Variants in LUZP2 observed in about 807,000 individuals in gnomAD.
LUZP2 encodes leucine zipper protein 2.
Under a neutral mutation model 51.6 loss-of-function variants are expected in LUZP2, and 52 were observed. The observed-to-expected ratio is 1.01, with a 90% CI of 0.81 to 1.27. The LOEUF is 1.27. Ranked by LOEUF, LUZP2 falls within the 50% of genes most tolerant of loss-of-function variation. The probability of loss-of-function intolerance (pLI) is 0.00; values close to 1 mark genes in which losing one functional copy is unlikely to be tolerated. For missense variants in LUZP2, 436 were observed against 395.4 expected (o/e 1.10, Z -0.87); for synonymous variants, 154 against 137.3 (o/e 1.12, Z -0.85).
chr11:25,075,656 T>A (rs867149752), intron 10 of LUZP2, among the ~76,000 whole-genome samples: 1 of 152,042 alleles, frequency 6.6e-6, no homozygotes, highest in Admixed American at 6.6e-5. Context: ...GTCTGTCTAG[T>A]AGTAGAAAAG....
chr11:24,832,783 C>G (rs938503362), intron 5 of LUZP2, among the ~76,000 whole-genome samples: 2 of 151,822 alleles, frequency 1.3e-5, no homozygotes, highest in Non-Finnish European at 2.9e-5. Context: ...AATGTCAGAG[C>G]TGAATGAAGA....
chr11:25,051,321 A>T (rs1244670760), intron 10 of LUZP2, among the ~76,000 whole-genome samples: 1 of 152,054 alleles, frequency 6.6e-6, no homozygotes, highest in Non-Finnish European at 1.5e-5. Flanking sequence ...CGTCTCAAAA[A>T]AAATAAAAAA....
chr11:24,963,235 C>T (rs558304107), intron 7 of LUZP2, among the ~76,000 whole-genome samples: 2 of 152,318 alleles, frequency 1.3e-5, no homozygotes, highest in Admixed American at 6.5e-5. Flanking sequence ...CTTGAGGAGG[C>T]AGTCTGCCGG....
chr11:24,765,495 T>C (rs1860149258), intron 5 of LUZP2, among the ~76,000 whole-genome samples: 1 of 152,194 alleles, frequency 6.6e-6, no homozygotes, highest in Non-Finnish European at 1.5e-5. Flanking sequence ...AAATGCTTTT[T>C]CTGCATCTAT....
intron 5 of LUZP2, among the ~76,000 whole-genome samples, chr11:24,792,574 A>G (rs1180604088): frequency 2.6e-5 from 4 of 152,128 alleles, no homozygotes; most frequent in Admixed American, 6.6e-5. Flanking sequence ...GCACTGTTAT[A>G]ATCTCTGACC....
intron 1 of LUZP2, among the ~76,000 whole-genome samples, chr11:24,715,226 C>G (rs2133939368): frequency 6.7e-6 from 1 of 149,252 alleles, no homozygotes; most frequent in Middle Eastern, 3.5e-3. Context: ...GGCACTTGAG[C>G]ATCTGCAGAT....
At chr11:24,783,639 G>A (rs565298790) in intron 5 of LUZP2, among the ~76,000 whole-genome samples, 1 of 151,788 alleles carries the variant, frequency 6.6e-6, no homozygotes, top group African/African-American at 2.4e-5. Context: ...TTCTGTGGAG[G>A]ACTCTGATTT....
At chr11:24,767,329 T>C (rs959529845) in intron 5 of LUZP2, among the ~76,000 whole-genome samples, 1 of 152,196 alleles carries the variant, frequency 6.6e-6, no homozygotes, top group African/African-American at 2.4e-5. Flanking sequence ...TATAATACCA[T>C]TTTTGAAGAG....
At chr11:24,710,242 G>A (rs1298583073) in intron 1 of LUZP2, among the ~76,000 whole-genome samples, 1 of 152,120 alleles carries the variant, frequency 6.6e-6, no homozygotes, top group Non-Finnish European at 1.5e-5. Context: ...CTCTGGAGTT[G>A]CCCTCTGTAG....
At chr11:24,749,992 A>G (rs892445646) in intron 4 of LUZP2, among the ~76,000 whole-genome samples, 1 of 152,156 alleles carries the variant, frequency 6.6e-6, no homozygotes, top group Non-Finnish European at 1.5e-5. Flanking sequence ...TTTCATATAT[A>G]CATGTATCCT....
chr11:24,613,298 G>T (rs1854180014), intron 1 of LUZP2, among the ~76,000 whole-genome samples: 1 of 151,976 alleles, frequency 6.6e-6, no homozygotes. Context: ...ACTTGTGAAT[G>T]CAGGTGTGTG....
At chr11:24,828,737 C>A (rs1850613741) in intron 5 of LUZP2, among the ~76,000 whole-genome samples, 4 of 152,134 alleles carry the variant, frequency 2.6e-5, no homozygotes, top group African/African-American at 7.2e-5. Context: ...GGAGGACTGG[C>A]AGCTTCTCAG....
At chr11:24,612,282 A>G (rs1353508053) in intron 1 of LUZP2, among the ~76,000 whole-genome samples, 1 of 152,132 alleles carries the variant, frequency 6.6e-6, no homozygotes, top group Non-Finnish European at 1.5e-5. Context: ...CAGTGGAGGA[A>G]CAGGTTTGAT....
chr11:24,730,411 A>G (rs1253171273), intron 2 of LUZP2, among the ~76,000 whole-genome samples: 1 of 151,692 alleles, frequency 6.6e-6, no homozygotes, highest in Non-Finnish European at 1.5e-5. Context: ...CGAGAGCAAA[A>G]AAAAAAAATT....
At chr11:24,602,648 T>C (rs1015535193) in intron 1 of LUZP2, among the ~76,000 whole-genome samples, 2 of 151,340 alleles carry the variant, frequency 1.3e-5, no homozygotes, top group Non-Finnish European at 3.0e-5. Context: ...TAACCTAGAA[T>C]CAAGTAAAAA....
At position 24,976,484 on chromosome 11, in the gene LUZP2, T is replaced by G. The variant is rs914388294; in HGVS notation, c.523-107T>G. On this transcript the variant is annotated intron_variant, in intron 7 of 11. Transcript: ENST00000336930. ...ATCTTACAGGACACTGTTTTTTTTT[T>G]TTTTCTTTTCTCTCTTTTTACAATT... 22 of 623,992 alleles carry G rather than the reference T, an allele frequency of 3.5e-5. 1 individual carries two copies. The highest frequency in any genetic ancestry group is 5.7e-5 in the Non-Finnish European group (22 of 384,718). The allele number at this position is 623,992 out of a possible 1,614,324, so 38.7% of individuals were successfully genotyped here.
intron 9 of LUZP2, among the ~76,000 whole-genome samples, chr11:25,048,432 C>T (rs1045276350): frequency 4.6e-5 from 7 of 152,054 alleles, no homozygotes; most frequent in Non-Finnish European, 1.0e-4. Context: ...ACTTAATAAG[C>T]TTTATATTAG....
intron 4 of LUZP2, among the ~76,000 whole-genome samples, chr11:24,749,522 C>A (rs1415616034): frequency 6.6e-6 from 1 of 152,098 alleles, no homozygotes; most frequent in Middle Eastern, 3.2e-3. Flanking sequence ...GAAAGACCTA[C>A]CCTCAATGTA....
chr11:24,781,304 C>T (rs1231717953), intron 5 of LUZP2, among the ~76,000 whole-genome samples: 1 of 151,880 alleles, frequency 6.6e-6, no homozygotes, highest in Non-Finnish European at 1.5e-5. Context: ...TCCCCTTTTT[C>T]CTCCTCCTCT....
Sources: gnomAD v4.1 joint callset for allele counts (sites outside exome capture counted in the v4.1 genomes callset) on GRCh38, gnomAD v4.1.1 for gene constraint, MANE v1.5 for transcripts, NCBI Gene and HGNC (gene_info 2026-07-23, HGNC 2026-07-21) for gene names.